The following STK3 variants were observed in gnomAD, a reference collection of about 807,000 sequenced individuals.
The protein encoded by STK3 is serine/threonine kinase 3, also known as serine/threonine-protein kinase 3.
STK3 carries 41 observed loss-of-function variants against 58.0 expected under a neutral mutation model. The ratio of observed to expected loss-of-function variants is 0.71; its 90% CI spans 0.55 to 0.92. The LOEUF (loss-of-function observed/expected upper bound fraction) is 0.92. Among genes scored for constraint, STK3 ranks in the 40% least tolerant of loss-of-function variants. The pLI, the probability that STK3 is intolerant of heterozygous loss-of-function variation, is 0.00. For synonymous variants in STK3, 170 were observed against 191.0 expected (o/e 0.89, Z 0.91); for missense variants, 479 against 602.7 (o/e 0.79, Z 2.15).
intron 6 of STK3, among the ~76,000 whole-genome samples, chr8:98,649,283 A>G (rs1587148671): frequency 6.6e-6 from 1 of 151,862 alleles, no homozygotes; most frequent in African/African-American, 2.4e-5. Context: ...ATTTTTCCCA[A>G]CCTACCGCTT....
At chr8:98,784,554 C>T (rs1422696431) in intron 1 of STK3, among the ~76,000 whole-genome samples, 1 of 151,734 alleles carries the variant, frequency 6.6e-6, no homozygotes, top group Non-Finnish European at 1.5e-5. Flanking sequence ...TTTGCCTGGA[C>T]AAGCAGGCTG....
At chr8:98,940,858 T>G (rs1309328585) in intron 1 of STK3, among the ~76,000 whole-genome samples, 1 of 152,046 alleles carries the variant, frequency 6.6e-6, no homozygotes, top group Non-Finnish European at 1.5e-5. Flanking sequence ...GGCTCTGGGG[T>G]GGGGGACACC....
chr8:98,505,904 G>A (rs1824023944), intron 10 of STK3, among the ~76,000 whole-genome samples: 1 of 152,206 alleles, frequency 6.6e-6, no homozygotes, highest in Admixed American at 6.5e-5. Flanking sequence ...CGAACACCAT[G>A]CTGGGAGAAC....
intron 3 of STK3, among the ~76,000 whole-genome samples, chr8:98,850,748 A>G (rs1476411376): frequency 6.6e-6 from 1 of 152,192 alleles, no homozygotes; most frequent in Non-Finnish European, 1.5e-5. Flanking sequence ...GGTGAGGAGC[A>G]CAGGGGCCGG....
intron 4 of STK3, among the ~76,000 whole-genome samples, chr8:98,712,241 C>T (rs1366025022): frequency 6.6e-6 from 1 of 152,098 alleles, no homozygotes; most frequent in African/African-American, 2.4e-5. Context: ...GCAAAATAAC[C>T]AGCTAACATC....
rs571175599 is a variant in STK3 at position 98,857,778 on chromosome 8, A to C, written c.110+25869T>G. On this transcript the variant is annotated intron_variant, in intron 3 of 12. Transcript: ENST00000523601. ...TACTGGCTATAAGCAATTAAACTAA[A>C]TACAGAATTATTGAGATGGGGATAA... is the stretch of plus-strand genomic sequence containing the variant. Among the ~76,000 whole-genome samples, 3 of 152,334 alleles carry C rather than the reference A, an allele frequency of 2.0e-5. No homozygotes were observed. In the South Asian group the frequency reaches 6.2e-4, roughly 32 times the overall value.
At chr8:98,487,570 CATT>C (rs2131306063) in intron 10 of STK3, among the ~76,000 whole-genome samples, 2 of 152,310 alleles carry the variant, frequency 1.3e-5, no homozygotes, top group East Asian at 3.9e-4. Flanking sequence ...CAGGTACAAT[CATT>C]ATTTCAAAAG....
chr8:98,389,651 C>T (rs1412514564), upstream of STK3, among the ~76,000 whole-genome samples: 1 of 151,624 alleles, frequency 6.6e-6, no homozygotes, highest in Non-Finnish European at 1.5e-5. Flanking sequence ...TTCCATGTGA[C>T]AGCAAGCATA....
chr8:98,544,653 C>A (rs1380787649), intron 9 of STK3, among the ~76,000 whole-genome samples: 1 of 29,264 alleles, frequency 3.4e-5, no homozygotes, highest in Non-Finnish European at 7.1e-5. Context: ...TACTATAACA[C>A]ACACACACAC....
intron 10 of STK3, among the ~76,000 whole-genome samples, chr8:98,461,958 A>C (rs562047286): frequency 0.02 from 506 of 24,768 alleles, 1 homozygote; most frequent in Admixed American, 0.04. Flanking sequence ...TTTTTAATTA[A>C]AACACTTTTT....
intron 10 of STK3, among the ~76,000 whole-genome samples, chr8:98,500,517 C>A (rs1054151451): frequency 3.3e-5 from 5 of 152,190 alleles, no homozygotes; most frequent in African/African-American, 1.2e-4. Context: ...ACCCCTGCCC[C>A]CTACCCCATG....
intron 3 of STK3, among the ~76,000 whole-genome samples, chr8:98,846,915 C>T (rs967854228): frequency 2.6e-5 from 4 of 151,740 alleles, no homozygotes; most frequent in African/African-American, 9.7e-5. Context: ...AAGTGCCCCC[C>T]CATGACAATG....
rs59274441 is a variant in STK3, at chr8:98,840,583, G to GTATATATATATA, written c.110+43052_110+43063dup. Among the ~76,000 whole-genome samples, 32 of 80,102 alleles carry GTATATATATATA rather than the reference G, an allele frequency of 4.0e-4. 1 individual carries two copies. The highest frequency in any genetic ancestry group is 1.1e-3 in the South Asian group (2 of 1,874). The allele number at this position is 80,102 out of a possible 152,430, so 52.6% of individuals were successfully genotyped here. ...TGACAACCTGTCTCAAGAAAAAAAT[G>GTATATATATATA]TATATATATATATATATATATATAT... On this transcript the variant is annotated intron_variant, in intron 3 of 12. Transcript: ENST00000523601.
chr8:98,587,401 A>G (rs1219652460), intron 7 of STK3, among the ~76,000 whole-genome samples: 1 of 151,788 alleles, frequency 6.6e-6, no homozygotes, highest in East Asian at 1.9e-4. Flanking sequence ...CATGTAGTTG[A>G]GTGGTTTTGA....
intron 10 of STK3, among the ~76,000 whole-genome samples, chr8:98,508,304 C>T (rs898836994): frequency 1.3e-5 from 2 of 152,252 alleles, no homozygotes; most frequent in South Asian, 4.2e-4. Context: ...TCCTAAGTTA[C>T]AGCAATATTA....
At chr8:98,491,517 T>C (rs1822699383) in intron 10 of STK3, among the ~76,000 whole-genome samples, 3 of 152,044 alleles carry the variant, frequency 2.0e-5, no homozygotes, top group Admixed American at 1.3e-4. Context: ...CTCAGCTCAC[T>C]GCAACCTCCA....
chr8:98,573,884 G>A (rs1022689698), intron 8 of STK3, among the ~76,000 whole-genome samples: 6 of 151,816 alleles, frequency 4.0e-5, no homozygotes, highest in African/African-American at 9.7e-5. Flanking sequence ...TTATAATCAC[G>A]GCACAAGGCA....
intron 3 of STK3, among the ~76,000 whole-genome samples, chr8:98,750,537 G>A (rs1351022966): frequency 6.6e-6 from 1 of 151,502 alleles, no homozygotes; most frequent in Non-Finnish European, 1.5e-5. Flanking sequence ...AGAGAAGACT[G>A]TCAGGGAAGA....
chr8:98,568,577 A>C (rs1812702251), intron 8 of STK3, among the ~76,000 whole-genome samples: 1 of 152,224 alleles, frequency 6.6e-6, no homozygotes, highest in African/African-American at 2.4e-5. Context: ...GTACATTTGA[A>C]GAAAGCCCAT....
Sources: gnomAD v4.1 joint callset for allele counts (sites outside exome capture counted in the v4.1 genomes callset) on GRCh38, gnomAD v4.1.1 for gene constraint, MANE v1.5 for transcripts, NCBI Gene and HGNC (gene_info 2026-07-23, HGNC 2026-07-21) for gene names.